The following KIAA1671 variants were observed in gnomAD, a reference collection of about 807,000 sequenced individuals.
KIAA1671 encodes the protein KIAA1671.
Under a neutral mutation model 131.2 loss-of-function variants are expected in KIAA1671, and 52 were observed. The observed-to-expected ratio is 0.40, with a 90% confidence interval of 0.32 to 0.50. KIAA1671 has a LOEUF of 0.50. Ranked by LOEUF, KIAA1671 falls within the 20% of genes least tolerant of loss-of-function variation. The probability of loss-of-function intolerance (pLI) is 0.73; values close to 1 mark genes in which losing one functional copy is unlikely to be tolerated. For missense variants in KIAA1671, 2,360 were observed against 2,364.2 expected (o/e 1.00, Z 0.04); for synonymous variants, 1,003 against 961.6 (o/e 1.04, Z -0.80).
chr22:25,152,021 C>G (rs1306380488), intron 6 of KIAA1671, among the ~76,000 whole-genome samples: 1 of 152,188 alleles, frequency 6.6e-6, no homozygotes, highest in Admixed American at 6.5e-5. Flanking sequence ...TCTTTTGTAG[C>G]TAGTGTCCGT....
chr22:25,025,171 C>T (rs1925874221), intron 1 of KIAA1671, among the ~76,000 whole-genome samples: 1 of 151,566 alleles, frequency 6.6e-6, no homozygotes, highest in South Asian at 2.1e-4. Flanking sequence ...TGAGTCAGCA[C>T]CTCGAATGCT....
chr22:24,982,300 C>T (rs923267847), intron 1 of KIAA1671, among the ~76,000 whole-genome samples: 1 of 152,164 alleles, frequency 6.6e-6, no homozygotes, highest in Admixed American at 6.5e-5. Context: ...AAATAAATGC[C>T]GCTTTCACTG....
intron 6 of KIAA1671, among the ~76,000 whole-genome samples, chr22:25,077,220 C>A (rs1201165741): frequency 6.6e-6 from 1 of 152,196 alleles, no homozygotes; most frequent in South Asian, 2.1e-4. Context: ...CCTGTCTCTA[C>A]TGGGTGTGTG....
At chr22:24,991,020 T>C (rs923926798) in intron 1 of KIAA1671, among the ~76,000 whole-genome samples, 1 of 152,082 alleles carries the variant, frequency 6.6e-6, no homozygotes, top group Non-Finnish European at 1.5e-5. Flanking sequence ...CTTTCTTCTT[T>C]AATTTTATTT....
chr22:25,018,624 T>G (rs1348003163), intron 1 of KIAA1671, among the ~76,000 whole-genome samples: 1 of 152,224 alleles, frequency 6.6e-6, no homozygotes, highest in Non-Finnish European at 1.5e-5. Flanking sequence ...TTGCCTATTC[T>G]AAACACCTCA....
chr22:25,190,836 A>C (rs1934650485), intron 12 of KIAA1671, 52 bp downstream of exon 12: 6 of 1,289,598 alleles, frequency 4.7e-6, no homozygotes, highest in East Asian at 5.2e-5. Flanking sequence ...AGTCACAGGA[A>C]TGGGGAACTC....
intron 11 of KIAA1671, among the ~76,000 whole-genome samples, chr22:25,188,206 C>T (rs1178584273): frequency 2.6e-5 from 4 of 152,170 alleles, no homozygotes; most frequent in Non-Finnish European, 5.9e-5. Flanking sequence ...GAGGCTGAGG[C>T]AGGAGAATGG....
intron 1 of KIAA1671, among the ~76,000 whole-genome samples, chr22:24,976,453 C>G (rs1186215954): frequency 6.6e-6 from 1 of 152,232 alleles, no homozygotes; most frequent in East Asian, 1.9e-4. Flanking sequence ...TGCCTACCCC[C>G]ACCCTTCCTG....
At chr22:25,021,125 T>G (rs953111000) in intron 1 of KIAA1671, among the ~76,000 whole-genome samples, 5 of 152,296 alleles carry the variant, frequency 3.3e-5, no homozygotes, top group Admixed American at 2.6e-4. Context: ...AGGGCTGTGA[T>G]GTGATCTTGG....
At chr22:25,009,499 A>C (rs1433756003) in intron 1 of KIAA1671, among the ~76,000 whole-genome samples, 1 of 149,466 alleles carries the variant, frequency 6.7e-6, no homozygotes, top group Non-Finnish European at 1.5e-5. Context: ...TCCTGACCTC[A>C]GGTGATCTTC....
intron 6 of KIAA1671, among the ~76,000 whole-genome samples, chr22:25,149,100 A>AC (rs5844627): frequency 0.46 from 69,229 of 151,962 alleles, 17,254 homozygotes; most frequent in African/African-American, 0.67. Flanking sequence ...AGCACCTACT[A>AC]TTGCCAGGCA....
intron 6 of KIAA1671, among the ~76,000 whole-genome samples, chr22:25,072,930 C>G (rs1473605875): frequency 6.6e-6 from 1 of 152,226 alleles, no homozygotes; most frequent in East Asian, 1.9e-4. Context: ...ATAGCTTGAA[C>G]ATGCGTTCAT....
At chr22:25,155,357 T>G (rs1933193146) in intron 6 of KIAA1671, among the ~76,000 whole-genome samples, 1 of 152,026 alleles carries the variant, frequency 6.6e-6, no homozygotes, top group Admixed American at 6.6e-5. Context: ...GTGTGTGCAT[T>G]TGTGTGTGTA....
At chr22:25,190,375 G>T (rs1437826439) in intron 11 of KIAA1671, among the ~76,000 whole-genome samples, 2 of 152,222 alleles carry the variant, frequency 1.3e-5, no homozygotes, top group Non-Finnish European at 2.9e-5. Context: ...TGGAGCAGCT[G>T]TGAATACAGA....
In KIAA1671 at chr22:25,043,062, T is replaced by A. The variant is rs1927035698; in HGVS notation, c.4395+1537T>A. On this transcript the variant is annotated intron_variant, in intron 5 of 12. Transcript: ENST00000358431. ...GCAGAAGAAAGAAAATCTGGCTTCC[T>A]TTGTTCAGTGAAGAACAGAGAGAAA... Among the ~76,000 whole-genome samples the A allele has an allele frequency of 2.2e-5, 3 of 134,064 alleles. No homozygotes were observed. The South Asian group carries it at 7.2e-4, about 32-fold the overall frequency. 88.0% of individuals were successfully genotyped at this position (134,064 alleles called of 152,430 possible).
intron 1 of KIAA1671, among the ~76,000 whole-genome samples, chr22:24,958,980 C>CAAAAAAAAAAAAAA (rs59084421): frequency 1.3e-5 from 1 of 77,566 alleles, no homozygotes; most frequent in Non-Finnish European, 3.0e-5. Context: ...AACTTCGTAT[C>CAAAAAAAAAAAAAA]AAAAAAAAAA....
At chr22:25,130,966 T>A (rs1408379959) in intron 6 of KIAA1671, among the ~76,000 whole-genome samples, 1 of 152,228 alleles carries the variant, frequency 6.6e-6, no homozygotes, top group Non-Finnish European at 1.5e-5. Context: ...TGGACTAATA[T>A]GATTTTGCTT....
At position 25,028,959 on chromosome 22, in the gene KIAA1671, A is replaced by G. The variant is rs1926116650; in HGVS notation, c.960A>G (p.Arg320=). 15 of 1,547,520 alleles carry G rather than the reference A, an allele frequency of 9.7e-6. No individual in the cohort carries two copies. The highest frequency in any genetic ancestry group is 9.6e-5 in the South Asian group (8 of 83,444). The change falls in exon 3 of 13, where the codon AGA becomes AGG. Residue 320 remains arginine (R), a synonymous_variant. Transcript: ENST00000358431. ...ATATGGCTGGGCTAGAGAGGCCCAG[A>G]GCAGCGTCCAAGCTGGACAGGGACT... ...AGDMAGLERP[R]AASKLDRDCL...
intron 6 of KIAA1671, among the ~76,000 whole-genome samples, chr22:25,117,284 A>G (rs1249299919): frequency 1.3e-5 from 2 of 152,154 alleles, no homozygotes. Context: ...CCTGCTTGCC[A>G]GGAACCACAC....
Sources: gnomAD v4.1 joint callset for allele counts (sites outside exome capture counted in the v4.1 genomes callset) on GRCh38, gnomAD v4.1.1 for gene constraint, MANE v1.5 for transcripts, NCBI Gene and HGNC (gene_info 2026-07-23, HGNC 2026-07-21) for gene names.